Variants in VWA8 observed in about 807,000 individuals in gnomAD.
VWA8 encodes the protein von Willebrand factor A domain containing 8, also known as von Willebrand factor A domain-containing protein 8.
In VWA8, 221 loss-of-function variants were observed where a neutral mutation model predicts 241.5. The observed-to-expected ratio is 0.91, with a 90% CI of 0.82 to 1.02. The LOEUF (loss-of-function observed/expected upper bound fraction) is 1.02, where lower values mean the gene tolerates loss of function less well. VWA8 is among the 50% of genes least tolerant of loss of function. The probability of loss-of-function intolerance (pLI) is 0.00; values close to 1 mark genes in which losing one functional copy is unlikely to be tolerated. For synonymous variants in VWA8, 852 were observed against 827.1 expected (o/e 1.03, Z -0.52); for missense variants, 2,322 against 2,328.7 (o/e 1.00, Z 0.06).
chr13:41,858,222 A>C (rs1872844417), intron 12 of VWA8, among the ~76,000 whole-genome samples: 1 of 152,224 alleles, frequency 6.6e-6, no homozygotes. Context: ...TAATACAGAC[A>C]CTAAAGTTTA....
intron 12 of VWA8, among the ~76,000 whole-genome samples, chr13:41,841,852 T>C (rs1872065461): frequency 1.5e-5 from 1 of 67,102 alleles, no homozygotes; most frequent in Non-Finnish European, 2.7e-5. Context: ...TATATATATA[T>C]ATATATAAAA....
At chr13:41,841,073 T>C in intron 12 of VWA8, among the ~76,000 whole-genome samples, 1 of 152,162 alleles carries the variant, frequency 6.6e-6, no homozygotes, top group East Asian at 1.9e-4. Context: ...TCAAACAGTT[T>C]ACCCAATCAA....
intron 14 of VWA8, among the ~76,000 whole-genome samples, chr13:41,822,786 C>T (rs1871015980): frequency 1.3e-5 from 2 of 152,142 alleles, no homozygotes; most frequent in Admixed American, 6.6e-5. Flanking sequence ...AGGGAACAAA[C>T]TATCAATGTA....
intron 2 of VWA8, among the ~76,000 whole-genome samples, chr13:41,943,146 A>G (rs918792506): frequency 2.0e-5 from 3 of 152,248 alleles, no homozygotes; most frequent in African/African-American, 4.8e-5. Context: ...TGGACAAGCA[A>G]GAGAAAAAAA....
At chr13:41,913,230 C>T (rs925718129) in intron 2 of VWA8, among the ~76,000 whole-genome samples, 27 of 152,082 alleles carry the variant, frequency 1.8e-4, no homozygotes, top group East Asian at 1.9e-4. Flanking sequence ...TAAAACAGTA[C>T]TTGAAAAAGC....
intron 2 of VWA8, among the ~76,000 whole-genome samples, chr13:41,947,105 G>A (rs1172544838): frequency 6.6e-6 from 1 of 152,104 alleles, no homozygotes; most frequent in Non-Finnish European, 1.5e-5. Context: ...CTGTTCCTTG[G>A]CTATAAACTA....
chr13:41,623,649 C>A (rs1320229130), intron 37 of VWA8, among the ~76,000 whole-genome samples: 1 of 152,178 alleles, frequency 6.6e-6, no homozygotes, highest in Non-Finnish European at 1.5e-5. Context: ...TAACAGGCAA[C>A]TGAATGTATT....
chr13:41,634,128 G>C (rs2139676307), intron 37 of VWA8, among the ~76,000 whole-genome samples: 1 of 152,278 alleles, frequency 6.6e-6, no homozygotes, highest in South Asian at 2.1e-4. Context: ...GCAATGCTGA[G>C]AATCATACAG....
intron 10 of VWA8, among the ~76,000 whole-genome samples, chr13:41,867,031 G>A (rs1873344144): frequency 6.6e-6 from 1 of 152,146 alleles, no homozygotes; most frequent in Non-Finnish European, 1.5e-5. Context: ...GTTTGGAAGT[G>A]ACAGGATCAG....
chr13:41,593,519 T>C (rs1007305662), intron 40 of VWA8, among the ~76,000 whole-genome samples: 3 of 152,190 alleles, frequency 2.0e-5, no homozygotes, highest in Admixed American at 6.5e-5. Flanking sequence ...ACAGACAACC[T>C]TGACCACACA....
intron 17 of VWA8, among the ~76,000 whole-genome samples, chr13:41,794,619 C>A (rs1371179465): frequency 6.6e-6 from 1 of 152,160 alleles, no homozygotes; most frequent in African/African-American, 2.4e-5. Context: ...TTTGGATGTG[C>A]TTTATTTCTT....
At chr13:41,841,329 G>T (rs1871988578) in intron 12 of VWA8, among the ~76,000 whole-genome samples, 1 of 152,122 alleles carries the variant, frequency 6.6e-6, no homozygotes, top group South Asian at 2.1e-4. Flanking sequence ...GTGTGACTAT[G>T]ATGCTAACCA....
Position 41,778,023 on chromosome 13 carries a change from A to G in VWA8, c.2311T>C (p.Phe771Leu). The G allele has an allele frequency of 6.2e-7, 1 of 1,612,552 alleles. No individual in the cohort carries two copies. Among genetic ancestry groups the G allele is most frequent in the Non-Finnish European group, 8.5e-7 (1 of 1,179,522 alleles). ...AATAATAAGTGTTCTCCAAGGAGAA[A>G]GTCTTTCAGCATATCTTCCATCACT... is the stretch of plus-strand genomic sequence containing the variant. ...VIVMEDMLKD[F>L]LLGEHLLLVG... Residue 771 changes from phenylalanine to leucine, a missense_variant, in exon 20 of 45, where the codon TTT becomes CTT. Phe to Leu is a conservative substitution (Grantham distance 22). Transcript: ENST00000379310.
intron 37 of VWA8, among the ~76,000 whole-genome samples, chr13:41,670,467 A>G (rs2045014414): frequency 6.6e-6 from 1 of 152,070 alleles, no homozygotes; most frequent in African/African-American, 2.4e-5. Flanking sequence ...CTTGGAAATA[A>G]GGAAGTTGAT....
At chr13:41,816,416 G>A (rs1436446907) in intron 16 of VWA8, among the ~76,000 whole-genome samples, 1 of 152,154 alleles carries the variant, frequency 6.6e-6, no homozygotes, top group African/African-American at 2.4e-5. Flanking sequence ...AGATAACACT[G>A]CTCAGCATAG....
chr13:41,850,281 A>G (rs542660060), intron 12 of VWA8, among the ~76,000 whole-genome samples: 49 of 152,342 alleles, frequency 3.2e-4, no homozygotes, highest in African/African-American at 1.1e-3. Context: ...GATGTTATCC[A>G]TTACTAAAAA....
intron 28 of VWA8, among the ~76,000 whole-genome samples, chr13:41,699,850 C>G (rs2045238509): frequency 6.6e-6 from 1 of 152,162 alleles, no homozygotes; most frequent in African/African-American, 2.4e-5. Flanking sequence ...CCATTTCCTT[C>G]CATTTGAAGA....
chr13:41,895,166 C>T (rs944626721), intron 4 of VWA8, among the ~76,000 whole-genome samples: 1 of 151,922 alleles, frequency 6.6e-6, no homozygotes, highest in Non-Finnish European at 1.5e-5. Context: ...GTAGGGCCTA[C>T]AAGTTTATAA....
At chr13:41,876,365 C>G (rs1031644244) in intron 9 of VWA8, among the ~76,000 whole-genome samples, 1 of 152,026 alleles carries the variant, frequency 6.6e-6, no homozygotes, top group African/African-American at 2.4e-5. Flanking sequence ...TGATTTCTCT[C>G]CTAATCACCT....
Sources: gnomAD v4.1 joint callset for allele counts (sites outside exome capture counted in the v4.1 genomes callset) on GRCh38, gnomAD v4.1.1 for gene constraint, MANE v1.5 for transcripts, NCBI Gene and HGNC (gene_info 2026-07-23, HGNC 2026-07-21) for gene names.